The following KLHL1 variants were observed in gnomAD, a reference collection of about 807,000 sequenced individuals.
KLHL1 encodes the protein kelch like family member 1, also known as kelch-like protein 1.
A neutral mutation model predicts 77.7 loss-of-function variants in KLHL1; 47 were observed. The observed-to-expected ratio is 0.60, with a 90% CI of 0.48 to 0.77. The LOEUF (loss-of-function observed/expected upper bound fraction) is 0.77. KLHL1 is among the 30% of genes least tolerant of loss of function. The pLI is 0.00. For missense variants in KLHL1, 925 were observed against 910.8 expected (o/e 1.02, Z -0.20); for synonymous variants, 360 against 325.2 (o/e 1.11, Z -1.15).
At position 69,707,746 on chromosome 13, in the gene KLHL1, G is replaced by A. The variant is rs1875692215; in HGVS notation, c.2066C>T (p.Pro689Leu). 6.2e-7 allele frequency: 1 copy of A among 1,612,644 alleles called. No homozygotes were observed. ...TWTMVAPLSM[P>L]RDAVGVCLLG... ...GAGACAGACCCCAACAGCATCTCTG[G>A]GCATACTCAAAGGAGCCACCATGGT... Residue 689 changes from proline (P) to leucine (L), a missense_variant, in exon 10 of 11, where the codon CCC becomes CTC. Transcript: ENST00000377844.
chr13:69,803,567 T>C (rs1004643734), intron 6 of KLHL1, among the ~76,000 whole-genome samples: 3 of 152,230 alleles, frequency 2.0e-5, no homozygotes, highest in Non-Finnish European at 4.4e-5. Flanking sequence ...CTACGCTATA[T>C]AGCATTGTTG....
chr13:69,839,237 G>A, intron 5 of KLHL1, 75 bp from the exon 6 acceptor site: 2 of 1,024,868 alleles, frequency 2.0e-6, no homozygotes, highest in Non-Finnish European at 2.8e-6. Context: ...AAAACTAGAA[G>A]TTTAATGTCT....
intron 4 of KLHL1, among the ~76,000 whole-genome samples, chr13:69,913,743 C>T (rs1286070458): frequency 1.3e-5 from 2 of 152,156 alleles, no homozygotes; most frequent in East Asian, 1.9e-4. Context: ...ATTTACACTA[C>T]TCTTTTTATG....
At chr13:69,722,303 T>C (rs557861077) in intron 8 of KLHL1, among the ~76,000 whole-genome samples, 26 of 152,062 alleles carry the variant, frequency 1.7e-4, no homozygotes, top group South Asian at 1.2e-3. Flanking sequence ...TAATAGATCA[T>C]ACATTTTCTG....
chr13:69,901,280 A>G (rs1339167378), intron 4 of KLHL1, among the ~76,000 whole-genome samples: 1 of 152,238 alleles, frequency 6.6e-6, no homozygotes, highest in African/African-American at 2.4e-5. Flanking sequence ...TACCATTATC[A>G]AGAATATAAA....
chr13:70,055,016 G>A (rs1886710903), intron 1 of KLHL1, among the ~76,000 whole-genome samples: 1 of 2,850 alleles, frequency 3.5e-4, no homozygotes, highest in African/African-American at 3.8e-4. Context: ...TTTATTCAAA[G>A]ACGTAATAGA....
intron 6 of KLHL1, among the ~76,000 whole-genome samples, chr13:69,810,407 A>G (rs1399472584): frequency 2.0e-5 from 3 of 152,124 alleles, no homozygotes. Flanking sequence ...ATACGAATAC[A>G]TGTATATTAA....
intron 10 of KLHL1, among the ~76,000 whole-genome samples, chr13:69,703,260 T>A (rs1460526464): frequency 6.6e-6 from 1 of 151,598 alleles, no homozygotes; most frequent in Non-Finnish European, 1.5e-5. Flanking sequence ...CACAACGCAT[T>A]ACTCAAATGT....
At chr13:70,021,907 A>G (rs547985873) in intron 1 of KLHL1, among the ~76,000 whole-genome samples, 14 of 152,050 alleles carry the variant, frequency 9.2e-5, no homozygotes, top group East Asian at 3.9e-4. Flanking sequence ...TTTATCTAAT[A>G]TGTCTTTGGC....
At position 69,838,957 on chromosome 13, in the gene KLHL1, TA is replaced by T; in HGVS notation, c.1414+18del. On this transcript the variant is annotated intron_variant, in intron 6 of 10. Transcript: ENST00000377844. ...GTATAACACAGGATGTATAGTTATA[TA>T]AATCCAGAATTAAATACCTTTGTTG... is the stretch of plus-strand genomic sequence containing the variant. 6.4e-7 allele frequency: 1 copy of T among 1,563,442 alleles called. No homozygotes were observed.
At chr13:69,712,397 A>G (rs980227284) in intron 9 of KLHL1, among the ~76,000 whole-genome samples, 2 of 152,002 alleles carry the variant, frequency 1.3e-5, no homozygotes, top group Admixed American at 1.3e-4. Context: ...ACAATTTTCC[A>G]CATGAGATAT....
Position 69,796,904 on chromosome 13 carries a change from C to A in KLHL1, c.1473G>T (p.Met491Ile). 1 of 1,614,170 alleles carries A rather than the reference C, an allele frequency of 6.2e-7. No homozygotes were observed. Among genetic ancestry groups the A allele is most frequent in the Non-Finnish European group, 8.5e-7 (1 of 1,180,024 alleles). ...LRTNLWIQAG[M>I]MNGRRLQFGV... ...CAAACTGCAGCCTTCTGCCATTCAT[C>A]ATCCCTGCCTGGATCCACAGATTTG... The change falls in exon 7 of 11, where the codon ATG becomes ATT. Residue 491 changes from methionine to isoleucine, a missense_variant. By Grantham distance (10) the Met-to-Ile change is conservative. Transcript: ENST00000377844.
intron 8 of KLHL1, among the ~76,000 whole-genome samples, chr13:69,739,451 G>A (rs1873895898): frequency 6.6e-6 from 1 of 152,140 alleles, no homozygotes; most frequent in South Asian, 2.1e-4. Context: ...AAAAGACACA[G>A]AATGGCAAGC....
chr13:69,861,115 C>T (rs551443316), intron 5 of KLHL1, among the ~76,000 whole-genome samples: 62 of 152,128 alleles, frequency 4.1e-4, no homozygotes, highest in Non-Finnish European at 6.3e-4. Flanking sequence ...GCCAAAGTAA[C>T]GCTAACTGGT....
intron 1 of KLHL1, among the ~76,000 whole-genome samples, chr13:69,987,474 G>A (rs902608565): frequency 6.6e-6 from 1 of 151,546 alleles, no homozygotes; most frequent in African/African-American, 2.4e-5. Flanking sequence ...CTGCCTTCCT[G>A]GTGAAGTATC....
intron 4 of KLHL1, among the ~76,000 whole-genome samples, chr13:69,890,665 CAG>C (rs1008599268): frequency 1.3e-5 from 2 of 151,540 alleles, no homozygotes; most frequent in African/African-American, 4.9e-5. Context: ...CACACACACA[CAG>C]ATATATGTAT....
intron 9 of KLHL1, among the ~76,000 whole-genome samples, chr13:69,715,511 C>T (rs1423706330): frequency 3.3e-5 from 3 of 91,530 alleles, no homozygotes; most frequent in Admixed American, 1.6e-4. Flanking sequence ...CAGTCTAAGG[C>T]AGTTTTATTA....
intron 6 of KLHL1, among the ~76,000 whole-genome samples, chr13:69,818,739 G>T (rs1566288952): frequency 6.6e-6 from 1 of 152,114 alleles, no homozygotes; most frequent in Non-Finnish European, 1.5e-5. Context: ...CTATAGCTGT[G>T]TGCAAACTGA....
At chr13:69,998,565 T>C (rs1885213256) in intron 1 of KLHL1, among the ~76,000 whole-genome samples, 1 of 152,068 alleles carries the variant, frequency 6.6e-6, no homozygotes, top group Non-Finnish European at 1.5e-5. Context: ...GTAAATCACA[T>C]GGAAATGTAA....
Sources: allele counts gnomAD v4.1 joint callset (sites outside exome capture counted in the v4.1 genomes callset), GRCh38; gene constraint gnomAD v4.1.1; transcripts MANE v1.5; gene names NCBI Gene and HGNC (gene_info 2026-07-23, HGNC 2026-07-21).